Variants in CADM2 observed in about 807,000 individuals in gnomAD.
The protein encoded by CADM2 is cell adhesion molecule 2, also known as immunoglobulin superfamily member 4D.
A neutral mutation model predicts 49.8 loss-of-function variants in CADM2; 12 were observed. The ratio of observed to expected loss-of-function variants is 0.24; its 90% CI spans 0.15 to 0.39. CADM2 has a LOEUF of 0.39. Among genes scored for constraint, CADM2 ranks in the 10% least tolerant of loss-of-function variants. The pLI is 1.00. For synonymous variants in CADM2, 214 were observed against 175.4 expected (o/e 1.22, Z -1.74); for missense variants, 378 against 492.3 (o/e 0.77, Z 2.20).
chr3:85,174,337 TTTTG>T (rs766540934), intron 1 of CADM2, among the ~76,000 whole-genome samples: 6 of 152,090 alleles, frequency 3.9e-5, no homozygotes, highest in South Asian at 2.1e-4. Context: ...TGTTATGTCC[TTTTG>T]TTTGTTTTTT....
At chr3:85,617,002 C>G (rs567953950) in intron 1 of CADM2, among the ~76,000 whole-genome samples, 1 of 152,208 alleles carries the variant, frequency 6.6e-6, no homozygotes, top group South Asian at 2.1e-4. Context: ...TGTTTTTCCT[C>G]TGCTCTCATG....
At chr3:85,013,190 T>C (rs1309828850) in intron 1 of CADM2, among the ~76,000 whole-genome samples, 1 of 151,576 alleles carries the variant, frequency 6.6e-6, no homozygotes, top group Non-Finnish European at 1.5e-5. Context: ...AACTAGTCTT[T>C]CTTTAGCCTG....
chr3:85,257,382 T>G (rs1360928048), intron 1 of CADM2, among the ~76,000 whole-genome samples: 1 of 152,074 alleles, frequency 6.6e-6, no homozygotes, highest in African/African-American at 2.4e-5. Flanking sequence ...TATTCTACTC[T>G]TCCTAGAAAA....
At chr3:85,914,363 T>C (rs1201556851) in intron 6 of CADM2, among the ~76,000 whole-genome samples, 1 of 152,146 alleles carries the variant, frequency 6.6e-6, no homozygotes, top group East Asian at 1.9e-4. Flanking sequence ...TCCTTGAACT[T>C]AAGTCAAGTT....
At chr3:85,289,138 T>C (rs1173660853) in intron 1 of CADM2, among the ~76,000 whole-genome samples, 1 of 152,170 alleles carries the variant, frequency 6.6e-6, no homozygotes, top group Non-Finnish European at 1.5e-5. Context: ...AATAGAAAGA[T>C]GCACATAAGT....
intron 1 of CADM2, among the ~76,000 whole-genome samples, chr3:85,591,871 G>A (rs774069789): frequency 4.6e-5 from 7 of 152,002 alleles, no homozygotes; most frequent in Non-Finnish European, 5.9e-5. Context: ...GGACTGATGA[G>A]CAGAAATTTG....
chr3:85,979,239 TAAC>T (rs1281082071), intron 8 of CADM2: 3 of 1,610,824 alleles, frequency 1.9e-6, no homozygotes, highest in Non-Finnish European at 2.5e-6. Flanking sequence ...ACTGTAGCCA[TAAC>T]AACCAGCCCA....
In CADM2 at chr3:85,408,933, C is replaced by A. The variant is rs1462018431; in HGVS notation, c.62-317589C>A. ...TTATAAACTAACACACAGTTTGTGG[C>A]TTAATCTAAAAAAAAACTACATTAT... On this transcript the variant is annotated intron_variant, in intron 1 of 9. Transcript: ENST00000383699. Among the ~76,000 whole-genome samples the A allele has an allele frequency of 5.3e-5, 8 of 152,170 alleles. No individual in the cohort carries two copies. The East Asian group carries it at 1.5e-3, about 29-fold the overall frequency.
intron 3 of CADM2, among the ~76,000 whole-genome samples, chr3:85,850,529 C>G (rs2075065612): frequency 2.6e-5 from 4 of 151,736 alleles, no homozygotes; most frequent in African/African-American, 9.7e-5. Flanking sequence ...GGGGTTTCAC[C>G]ATGTTTGCAA....
At chr3:85,196,949 A>C (rs909567102) in intron 1 of CADM2, among the ~76,000 whole-genome samples, 1 of 151,916 alleles carries the variant, frequency 6.6e-6, no homozygotes, top group Non-Finnish European at 1.5e-5. Flanking sequence ...ATAAATGGAA[A>C]AGCAAAGTAT....
intron 1 of CADM2, among the ~76,000 whole-genome samples, chr3:85,211,448 C>A (rs957798747): frequency 6.6e-6 from 1 of 151,840 alleles, no homozygotes; most frequent in Admixed American, 6.6e-5. Context: ...TCCCTTAGTA[C>A]TGGTTTTGTT....
chr3:86,042,109 G>A (rs1035124083), intron 8 of CADM2, among the ~76,000 whole-genome samples: 3 of 152,158 alleles, frequency 2.0e-5, no homozygotes, highest in Non-Finnish European at 4.4e-5. Context: ...AGCACTAAAT[G>A]CCCACAGGAG....
In CADM2 at chr3:86,022,428, T is replaced by C. The variant is rs551235347; in HGVS notation, c.971-43177T>C. ...TCTCTCTCCTTCTCTTTCAAACTTATTTTGTAATGACTCAAACTTTAGAGG... is the reference window on the plus strand; with the variant it reads ...TCTCTCTCCTTCTCTTTCAAACTTACTTTGTAATGACTCAAACTTTAGAGG... On this transcript the variant is annotated intron_variant, in intron 8 of 9. Transcript: ENST00000383699. Among the ~76,000 whole-genome samples the C allele has an allele frequency of 4.9e-4, 75 of 152,296 alleles. No homozygotes were observed. The Middle Eastern group carries it at 0.017, about 35-fold the overall frequency.
intron 1 of CADM2, among the ~76,000 whole-genome samples, chr3:85,569,323 A>T (rs1317961500): frequency 6.7e-6 from 1 of 148,986 alleles, no homozygotes; most frequent in Non-Finnish European, 1.5e-5. Flanking sequence ...TGGTAAGACT[A>T]TCCTATATTA....
chr3:86,069,073 T>C lies in CADM2; in HGVS notation c.*2290T>C, dbSNP rs766967088. ...AAGTTGTACAAACTGCATCATCAAT[T>C]ACTATGTAAAGCCTAATTTCAGGAT... On this transcript the variant is annotated 3_prime_UTR_variant, in exon 10 of 10. Coordinates refer to ENST00000383699, the MANE Select transcript of CADM2 (RefSeq NM_001167675.2). 6.6e-6 allele frequency: 1 copy of C among 151,978 alleles called. No individual in the cohort carries two copies. The highest frequency in any genetic ancestry group is 1.5e-5 in the Non-Finnish European group (1 of 67,862). The allele number at this position is 151,978 out of a possible 1,614,324, so 9.4% of individuals were successfully genotyped here. A position where few individuals can be genotyped will look rare whatever the true frequency, so the allele number is the denominator to read the frequency against.
At chr3:85,916,910 C>T (rs1718415018) in intron 6 of CADM2, among the ~76,000 whole-genome samples, 1 of 152,162 alleles carries the variant, frequency 6.6e-6, no homozygotes, top group African/African-American at 2.4e-5. Context: ...ATTTGCATTT[C>T]TCTGATGGCC....
At chr3:85,265,985 A>G (rs984088493) in intron 1 of CADM2, among the ~76,000 whole-genome samples, 2 of 151,914 alleles carry the variant, frequency 1.3e-5, no homozygotes, top group African/African-American at 4.8e-5. Context: ...TAATAGAGCC[A>G]AAGTTGTCAA....
intron 8 of CADM2, among the ~76,000 whole-genome samples, chr3:86,048,150 AT>A (rs1736887131): frequency 6.6e-6 from 1 of 152,076 alleles, no homozygotes; most frequent in Non-Finnish European, 1.5e-5. Flanking sequence ...ACTAAATGTT[AT>A]TTTTTTAACA....
intron 1 of CADM2, among the ~76,000 whole-genome samples, chr3:85,278,340 A>G (rs2043410381): frequency 1.3e-5 from 2 of 151,408 alleles, no homozygotes; most frequent in Admixed American, 1.3e-4. Context: ...ATCGTTACAT[A>G]TAATGCTATT....
Sources: gnomAD v4.1 joint callset for allele counts (sites outside exome capture counted in the v4.1 genomes callset) on GRCh38, gnomAD v4.1.1 for gene constraint, MANE v1.5 for transcripts, NCBI Gene and HGNC (gene_info 2026-07-23, HGNC 2026-07-21) for gene names.